Variants in RSPO2 observed in about 807,000 individuals in gnomAD.
RSPO2 encodes R-spondin-2.
In RSPO2, 14 loss-of-function variants were observed where a neutral mutation model predicts 30.9. The observed-to-expected ratio is 0.45, with a 90% confidence interval of 0.30 to 0.71. The LOEUF (loss-of-function observed/expected upper bound fraction) is 0.71. RSPO2 is among the 30% of genes least tolerant of loss of function. RSPO2 has a pLI of 0.08. For missense variants in RSPO2, 264 were observed against 301.9 expected (o/e 0.87, Z 0.93); for synonymous variants, 107 against 96.4 (o/e 1.11, Z -0.64).
intron 2 of RSPO2, among the ~76,000 whole-genome samples, chr8:108,011,097 C>T (rs780941188): frequency 4.6e-5 from 6 of 129,832 alleles, no homozygotes; most frequent in Non-Finnish European, 7.7e-5. Flanking sequence ...CGCGCCATTG[C>T]ACTCCAGCCT....
intron 2 of RSPO2, among the ~76,000 whole-genome samples, chr8:108,026,220 C>G (rs1811211763): frequency 6.6e-6 from 1 of 152,142 alleles, no homozygotes; most frequent in Non-Finnish European, 1.5e-5. Context: ...GGCCAGGATT[C>G]TTCAAATGTC....
At chr8:107,934,407 T>C (rs191038000) in intron 5 of RSPO2, among the ~76,000 whole-genome samples, 1 of 151,794 alleles carries the variant, frequency 6.6e-6, no homozygotes, top group Non-Finnish European at 1.5e-5. Context: ...AGTTTCACTC[T>C]TGTTGCCCAG....
At chr8:108,043,802 A>C (rs751136293) in intron 2 of RSPO2, among the ~76,000 whole-genome samples, 38 of 152,120 alleles carry the variant, frequency 2.5e-4, no homozygotes, top group Non-Finnish European at 4.6e-4. Context: ...TGAGGAAAGG[A>C]AAGAAGTCTC....
intron 2 of RSPO2, among the ~76,000 whole-genome samples, chr8:108,071,430 C>A (rs532084533): frequency 1.3e-5 from 2 of 152,116 alleles, no homozygotes; most frequent in Non-Finnish European, 2.9e-5. Flanking sequence ...CTTCTGGGAA[C>A]GACTGCTGTA....
intron 3 of RSPO2, chr8:107,983,654 G>A: frequency 6.3e-7 from 1 of 1,593,732 alleles, no homozygotes; most frequent in Non-Finnish European, 8.6e-7. Flanking sequence ...GATTTGAAGA[G>A]GCATGTGGAA....
At chr8:107,994,050 G>T (rs1008584720) in intron 2 of RSPO2, among the ~76,000 whole-genome samples, 1 of 152,056 alleles carries the variant, frequency 6.6e-6, no homozygotes, top group Non-Finnish European at 1.5e-5. Flanking sequence ...GGGTCATGGG[G>T]TGAATATTGG....
chr8:107,955,636 T>TC (rs1294026291), intron 5 of RSPO2, among the ~76,000 whole-genome samples: 1 of 108,500 alleles, frequency 9.2e-6, no homozygotes, highest in African/African-American at 2.5e-5. Context: ...TACACTGTTT[T>TC]TTAAAAAAAA....
At chr8:108,063,103 T>C (rs1812531047) in intron 2 of RSPO2, among the ~76,000 whole-genome samples, 1 of 151,722 alleles carries the variant, frequency 6.6e-6, no homozygotes, top group South Asian at 2.1e-4. Context: ...CTGGAAGCAT[T>C]CCCTTTGAAA....
chr8:107,915,667 A>T (rs1300196715), intron 5 of RSPO2, among the ~76,000 whole-genome samples: 1 of 152,112 alleles, frequency 6.6e-6, no homozygotes, highest in African/African-American at 2.4e-5. Context: ...GGTCTAACTC[A>T]GAGAACCCTC....
chr8:107,911,759 C>T (rs1811835318), intron 5 of RSPO2, among the ~76,000 whole-genome samples: 1 of 152,150 alleles, frequency 6.6e-6, no homozygotes, highest in African/African-American at 2.4e-5. Context: ...AGCAGTGATT[C>T]AAACCAACAT....
At chr8:107,982,003 CAACAACAAAAA>C (rs1814452429) in intron 3 of RSPO2, among the ~76,000 whole-genome samples, 1 of 16,684 alleles carries the variant, frequency 6.0e-5, no homozygotes, top group African/African-American at 2.2e-4. Context: ...GCAACAACAA[CAACAACAAAAA>C]AAAAAAAAAA....
chr8:107,936,423 T>C (rs775295123), intron 5 of RSPO2, among the ~76,000 whole-genome samples: 2 of 152,188 alleles, frequency 1.3e-5, no homozygotes, highest in South Asian at 4.1e-4. Flanking sequence ...TGAGTGTTGA[T>C]TTCTGAAGAA....
intron 2 of RSPO2, among the ~76,000 whole-genome samples, chr8:108,056,639 AAAAAG>A (rs1164317812): frequency 1.8e-4 from 27 of 149,138 alleles, no homozygotes; most frequent in Non-Finnish European, 2.1e-4. Flanking sequence ...AAAAAAAAAA[AAAAAG>A]AAAAGAAAAG....
At chr8:108,029,146 C>T (rs1404195512) in intron 2 of RSPO2, among the ~76,000 whole-genome samples, 2 of 133,976 alleles carry the variant, frequency 1.5e-5, no homozygotes, top group African/African-American at 5.4e-5. Flanking sequence ...ACCAACCAGC[C>T]AAATCCAGCC....
chr8:108,033,023 C>T (rs1442340241), intron 2 of RSPO2, among the ~76,000 whole-genome samples: 1 of 129,404 alleles, frequency 7.7e-6, no homozygotes, highest in Non-Finnish European at 1.5e-5. Context: ...GCACTCTAGC[C>T]TGGGTGACAG....
At chr8:108,042,592 T>C (rs1001209499) in intron 2 of RSPO2, among the ~76,000 whole-genome samples, 1 of 152,084 alleles carries the variant, frequency 6.6e-6, no homozygotes, top group African/African-American at 2.4e-5. Flanking sequence ...AAAAAAAGAA[T>C]TGAAGCAACT....
chr8:108,035,946 G>T (rs780128787), intron 2 of RSPO2, among the ~76,000 whole-genome samples: 6 of 152,110 alleles, frequency 3.9e-5, no homozygotes, highest in Non-Finnish European at 5.9e-5. Flanking sequence ...CATTTTTCAT[G>T]ATTTTGGTAA....
intron 2 of RSPO2, among the ~76,000 whole-genome samples, chr8:108,070,278 C>CTTTTTTTTTT (rs1050611219): frequency 2.5e-5 from 2 of 81,190 alleles, no homozygotes; most frequent in African/African-American, 9.7e-5. Flanking sequence ...GACCCCATCT[C>CTTTTTTTTTT]TTTTTTTTTT....
At chr8:107,995,611 G>C (rs1369609983) in intron 2 of RSPO2, among the ~76,000 whole-genome samples, 2 of 152,020 alleles carry the variant, frequency 1.3e-5, no homozygotes, top group African/African-American at 4.8e-5. Flanking sequence ...ACCACAACCA[G>C]TTTTCTCATC....
Sources: gnomAD v4.1 joint callset for allele counts (sites outside exome capture counted in the v4.1 genomes callset) on GRCh38, gnomAD v4.1.1 for gene constraint, MANE v1.5 for transcripts, NCBI Gene and HGNC (gene_info 2026-07-23, HGNC 2026-07-21) for gene names.